Variants in PGAP2 observed in about 807,000 individuals in gnomAD.
PGAP2 encodes the protein post-GPI attachment to proteins 2.
A neutral mutation model predicts 33.2 loss-of-function variants in PGAP2; 21 were observed. The ratio of observed to expected loss-of-function variants is 0.63; its 90% CI spans 0.45 to 0.91. PGAP2 has a LOEUF of 0.91. Among genes scored for constraint, PGAP2 ranks in the 40% least tolerant of loss-of-function variants. PGAP2 has a pLI of 0.00. For synonymous variants in PGAP2, 161 were observed against 172.9 expected (o/e 0.93, Z 0.54); for missense variants, 345 against 424.0 (o/e 0.81, Z 1.64).
rs925794513 is a variant in PGAP2 at position 3,808,635 on chromosome 11, T to C, written c.-27T>C. The C allele has an allele frequency of 3.9e-6, 5 of 1,288,184 alleles. No homozygotes were observed. Among genetic ancestry groups the C allele is most frequent in the Non-Finnish European group, 3.9e-6 (4 of 1,013,716 alleles). The allele number at this position is 1,288,184 out of a possible 1,614,324, so 79.8% of individuals were successfully genotyped here. ...GGGCCCCCGGGTTCCGCCGGCACTC[T>C]CGCCACCACCGCGTGGGTGAGTATG... is the stretch of plus-strand genomic sequence containing the variant. On this transcript the variant is annotated 5_prime_UTR_variant, in exon 1 of 7. Transcript: ENST00000278243.
upstream of PGAP2, chr11:3,808,045 G>C: frequency 7.1e-7 from 1 of 1,409,200 alleles, no homozygotes; most frequent in Non-Finnish European, 9.2e-7. Context: ...CTCTAGGCCA[G>C]AGTTTCTGGG....
chr11:3,822,936 CAT>C, intron 3 of PGAP2: 1 of 1,540,648 alleles, frequency 6.5e-7, no homozygotes. Context: ...GAGTTCCAGG[CAT>C]TAAGATGGAT....
intron 3 of PGAP2, 67 bp downstream of exon 3, chr11:3,817,602 G>GA: frequency 7.7e-7 from 1 of 1,293,666 alleles, no homozygotes; most frequent in Non-Finnish European, 1.1e-6. Context: ...GGTAGAATTA[G>GA]ATAGTGGAGA....
chr11:3,821,900 TA>T (rs34183866), intron 3 of PGAP2, among the ~76,000 whole-genome samples: 374 of 139,038 alleles, frequency 2.7e-3, no homozygotes, highest in Middle Eastern at 0.012. Context: ...CTGTTGCTAC[TA>T]AAAAAAAAAA....
chr11:3,823,187 C>T (rs1446521802), intron 3 of PGAP2, among the ~76,000 whole-genome samples: 1 of 151,576 alleles, frequency 6.6e-6, no homozygotes, highest in Non-Finnish European at 1.5e-5. Context: ...GGGCGCTGGC[C>T]ACCACGCCTG....
intron 3 of PGAP2, among the ~76,000 whole-genome samples, chr11:3,820,810 G>A (rs1269186784): frequency 3.3e-5 from 5 of 152,206 alleles, no homozygotes; most frequent in African/African-American, 7.2e-5. Flanking sequence ...GTGACAGAGC[G>A]AGACCCTGTC....
At chr11:3,824,890 TG>T in intron 5 of PGAP2, 129 bp from the exon 6 acceptor site, 1 of 1,492,982 alleles carries the variant, frequency 6.7e-7, no homozygotes, top group Non-Finnish European at 8.9e-7. Context: ...CCCCTGCCTG[TG>T]CTCCCTTCCA....
chr11:3,803,524 T>G (rs2083818969), intron 1 of PGAP2, among the ~76,000 whole-genome samples: 1 of 151,030 alleles, frequency 6.6e-6, no homozygotes, highest in South Asian at 2.1e-4. Flanking sequence ...GCCTCCTGGG[T>G]TCAAGCAATT....
Position 3,811,219 on chromosome 11 carries a change from G to A in PGAP2, c.-10-31G>A. 6.3e-7 allele frequency: 1 copy of A among 1,591,130 alleles called. No homozygotes were observed. The highest frequency in any genetic ancestry group is 8.6e-7 in the Non-Finnish European group (1 of 1,167,056). ...CACTGAGTGCCAGCCTGGCTGCCTG[G>A]GGCCCTGACAGCATGCCACTCCATC... is the stretch of plus-strand genomic sequence containing the variant. On this transcript the variant is annotated intron_variant, in intron 1 of 6. Coordinates refer to ENST00000278243, the MANE Select transcript of PGAP2 (RefSeq NM_014489.4). This position sits in a 1 kb window ranked among gnomAD's most constrained non-coding sequence, Gnocchi z 4.6.
At chr11:3,817,623 G>A in intron 3 of PGAP2, 88 bp downstream of exon 3, 2 of 1,107,186 alleles carry the variant, frequency 1.8e-6, no homozygotes, top group Non-Finnish European at 2.7e-6. Context: ...GGAAGTGGAG[G>A]ATCAGAGAGA....
At chr11:3,824,669 G>T (rs1191061151) in intron 5 of PGAP2, 10 of 751,644 alleles carry the variant, frequency 1.3e-5, no homozygotes, top group African/African-American at 1.8e-5. Flanking sequence ...TAGGAACAGT[G>T]TCAGAGGACT....
chr11:3,801,662 T>A (rs1363906459), intron 1 of PGAP2, among the ~76,000 whole-genome samples: 5 of 43,946 alleles, frequency 1.1e-4, no homozygotes, highest in Non-Finnish European at 1.2e-4. Flanking sequence ...AAAAAAAAAG[T>A]TTCCGGGCAC....
chr11:3,807,757 T>G (rs2084682576), upstream of PGAP2, among the ~76,000 whole-genome samples: 1 of 152,218 alleles, frequency 6.6e-6, no homozygotes, highest in Non-Finnish European at 1.5e-5. Flanking sequence ...CTCCACCCGC[T>G]GCAGATGCTC....
intron 5 of PGAP2, 153 bp from the exon 6 acceptor site, chr11:3,824,867 G>C: frequency 6.9e-7 from 1 of 1,456,254 alleles, no homozygotes; most frequent in Non-Finnish European, 9.0e-7. Context: ...ACACATAGTC[G>C]TCATTCTTGC....
At chr11:3,807,463 G>A (rs1002744580), upstream of PGAP2, among the ~76,000 whole-genome samples, 1 of 150,632 alleles carries the variant, frequency 6.6e-6, no homozygotes, top group African/African-American at 2.4e-5. Context: ...GCCCGCCACC[G>A]TGCCCGGCTA....
intron 3 of PGAP2, chr11:3,823,587 C>T: frequency 1.3e-6 from 2 of 1,535,314 alleles, no homozygotes; most frequent in South Asian, 2.4e-5. Flanking sequence ...AGCATCTGAA[C>T]CCATCTACAC....
chr11:3,811,935 T>C lies in PGAP2; in HGVS notation c.165+511T>C, dbSNP rs1172261270. ...AGGAATGTGACTCAGTATATGTGTG[T>C]GTGATTGTGAGGGTCATGACTGTAT... On this transcript the variant is annotated intron_variant, in intron 2 of 6. Transcript: ENST00000278243. This position sits in a 1 kb window ranked among gnomAD's most constrained non-coding sequence, Gnocchi z 4.6. Among the ~76,000 whole-genome samples, 2 of 152,080 alleles carry C rather than the reference T, an allele frequency of 1.3e-5. No individual in the cohort carries two copies. Among genetic ancestry groups the C allele is most frequent in the Non-Finnish European group, 2.9e-5 (2 of 68,000 alleles).
At chr11:3,799,326 C>T (rs970818885) in intron 1 of PGAP2, among the ~76,000 whole-genome samples, 1 of 151,868 alleles carries the variant, frequency 6.6e-6, no homozygotes, top group East Asian at 1.9e-4. Flanking sequence ...TTATTTGAGG[C>T]CAGGAGTTCG....
rs1429622511 is a variant in PGAP2, at chr11:3,797,901, G to C, written c.58G>C (p.Asp20His). The C allele has an allele frequency of 5.8e-6, 9 of 1,548,864 alleles. No individual in the cohort carries two copies. The East Asian group carries it at 2.0e-4, about 34-fold the overall frequency. Residue 20 changes from aspartate to histidine, a missense_variant, in exon 1 of 7, where the codon GAC (aspartate) becomes CAC (histidine). Transcript: ENST00000300730. ...GGGAAGGGTGGTGACGCAACATAGAGACTCCGCCCCCTTCCTTGGAGCGCC... is the reference window on the plus strand; with the variant it reads ...GGGAAGGGTGGTGACGCAACATAGACACTCCGCCCCCTTCCTTGGAGCGCC...
Sources: allele counts gnomAD v4.1 joint callset (sites outside exome capture counted in the v4.1 genomes callset), GRCh38; gene constraint gnomAD v4.1.1; non-coding constraint Gnocchi (gnomAD v3.1); transcripts MANE v1.5; gene names NCBI Gene and HGNC (gene_info 2026-07-23, HGNC 2026-07-21).